The following ABAT variants were observed in gnomAD, a reference collection of about 807,000 sequenced individuals.
ABAT encodes the protein 4-aminobutyrate aminotransferase, mitochondrial.
ABAT carries 45 observed loss-of-function variants against 64.6 expected under a neutral mutation model. That is an observed-to-expected ratio of 0.70 (90% CI 0.55 to 0.89). ABAT has a LOEUF of 0.89. ABAT is among the 40% of genes least tolerant of loss of function. The probability of loss-of-function intolerance (pLI) is 0.00; values close to 1 mark genes in which losing one functional copy is unlikely to be tolerated. For missense variants in ABAT, 633 were observed against 658.4 expected (o/e 0.96, Z 0.42); for synonymous variants, 297 against 250.5 (o/e 1.19, Z -1.75).
intron 1 of ABAT, among the ~76,000 whole-genome samples, chr16:8,728,647 G>A (rs981890394): frequency 2.6e-5 from 4 of 152,096 alleles, no homozygotes; most frequent in East Asian, 1.9e-4. Flanking sequence ...AGGCAGAGGC[G>A]GGTGGATCAC....
At chr16:8,696,703 A>T (rs941914227) in intron 1 of ABAT, among the ~76,000 whole-genome samples, 2 of 152,102 alleles carry the variant, frequency 1.3e-5, no homozygotes, top group African/African-American at 4.8e-5. Context: ...TGGCCTATAG[A>T]TGCTGATAGG....
At chr16:8,723,865 G>A (rs28650912) in intron 1 of ABAT, among the ~76,000 whole-genome samples, 142 of 97,612 alleles carry the variant, frequency 1.5e-3, no homozygotes, top group African/African-American at 5.7e-3. Context: ...TTTTGAGACG[G>A]AGTCTTGCTC....
rs1555485288 is a variant in ABAT, at chr16:8,706,418, A to AAG, written c.-41-29280_-41-29279insGA. ...AGACCCTGTTTCAAAAAAAAAAAAA[A>AAG]AAAAAGAAAAGACCAGGCATGATGG... On this transcript the variant is annotated intron_variant, in intron 1 of 15. Coordinates refer to ENST00000268251, the MANE Select transcript of ABAT (RefSeq NM_020686.6). 8.8e-5 allele frequency among the ~76,000 whole-genome samples: 13 copies of AAG among 147,784 alleles called. No individual in the cohort carries two copies. The East Asian group carries it at 1.0e-3, about 12-fold the overall frequency.
intron 2 of ABAT, among the ~76,000 whole-genome samples, chr16:8,737,991 G>GGAAGAAAGAAAGAAAGAAAGAAA (rs1567295685): frequency 0.012 from 173 of 14,942 alleles, 40 homozygotes; most frequent in Non-Finnish European, 0.018. Flanking sequence ...GAAGGAAGGA[G>GGAAGAAAGAAAGAAAGAAAGAAA]GAAAGAAAGA....
At chr16:8,690,815 G>C (rs1444429345) in intron 1 of ABAT, among the ~76,000 whole-genome samples, 1 of 152,200 alleles carries the variant, frequency 6.6e-6, no homozygotes, top group Non-Finnish European at 1.5e-5. Context: ...CTCATTAAAT[G>C]GGTCTGCCCC....
intron 11 of ABAT, among the ~76,000 whole-genome samples, chr16:8,771,022 G>A (rs1045868888): frequency 5.9e-5 from 9 of 152,106 alleles, no homozygotes; most frequent in Admixed American, 1.3e-4. Context: ...AAAACCGGGC[G>A]CGGTGGCTCA....
At position 8,764,052 on chromosome 16, in the gene ABAT, C is replaced by T. The variant is rs2059871556; in HGVS notation, c.367-17C>T. On this transcript the variant is annotated splice_polypyrimidine_tract_variant and intron_variant, in intron 6 of 15. Coordinates refer to ENST00000268251, the MANE Select transcript of ABAT (RefSeq NM_020686.6). The surrounding 1 kb of genome is among the most constrained non-coding windows in gnomAD (Gnocchi z 4.2). ...CAGGCCCCCAGAAGTCACCATTTGT[C>T]TCTTGCCCTTTTGCAGAGCATGTTT... 1 of 1,613,036 alleles carries T rather than the reference C, an allele frequency of 6.2e-7. No homozygotes were observed. The highest frequency in any genetic ancestry group is 8.5e-7 in the Non-Finnish European group (1 of 1,179,202).
intron 5 of ABAT, among the ~76,000 whole-genome samples, chr16:8,753,414 G>C (rs2059550519): frequency 6.6e-6 from 1 of 152,178 alleles, no homozygotes; most frequent in South Asian, 2.1e-4. Flanking sequence ...TTATTTCTAT[G>C]GTAGCTGCCT....
At chr16:8,719,897 C>A (rs142602933) in intron 1 of ABAT, among the ~76,000 whole-genome samples, 1 of 152,206 alleles carries the variant, frequency 6.6e-6, no homozygotes, top group African/African-American at 2.4e-5. Context: ...CTGCAACATT[C>A]GGTTCTCAGG....
At chr16:8,771,315 C>G (rs1166235416) in intron 11 of ABAT, among the ~76,000 whole-genome samples, 1 of 149,792 alleles carries the variant, frequency 6.7e-6, no homozygotes, top group Non-Finnish European at 1.5e-5. Context: ...AAAAAGAAAA[C>G]CAAGAAAAGT....
chr16:8,711,667 G>A (rs1251282058), intron 1 of ABAT, among the ~76,000 whole-genome samples: 1 of 152,188 alleles, frequency 6.6e-6, no homozygotes, highest in Non-Finnish European at 1.5e-5. Flanking sequence ...CTCTCCCAGA[G>A]ATGGGTGGGT....
At chr16:8,716,714 C>T (rs2058225120) in intron 1 of ABAT, among the ~76,000 whole-genome samples, 1 of 152,230 alleles carries the variant, frequency 6.6e-6, no homozygotes. Flanking sequence ...TTGAGAGCCT[C>T]TCCTAGACTA....
At chr16:8,766,307 G>C (rs1405487223) in intron 9 of ABAT, 37 bp downstream of exon 9, 1 of 1,601,020 alleles carries the variant, frequency 6.2e-7, no homozygotes. Flanking sequence ...TACATCTGGG[G>C]AAGCTGCACA....
In ABAT at chr16:8,768,590, G is replaced by A. The variant is rs1240300682; in HGVS notation, c.668-235G>A. 1.8e-4 allele frequency among the ~76,000 whole-genome samples: 28 copies of A among 152,232 alleles called. No individual in the cohort carries two copies. The highest frequency in any genetic ancestry group is 3.9e-4 in the East Asian group (2 of 5,184). On this transcript the variant is annotated intron_variant, in intron 10 of 15. Transcript: ENST00000268251. ...GTTCGAGAGTCCCCCTTCAGCTTCC[G>A]GATGAGAACTGGGGTTCAGTATCAA...
chr16:8,741,093 A>C (rs924602064), intron 2 of ABAT, among the ~76,000 whole-genome samples: 5 of 152,268 alleles, frequency 3.3e-5, no homozygotes, highest in Non-Finnish European at 7.3e-5. Context: ...TGGCATGGCC[A>C]TTGAGGGCTG....
chr16:8,757,920 G>C (rs749180907), intron 6 of ABAT, 114 bp downstream of exon 6: 2 of 1,204,002 alleles, frequency 1.7e-6, no homozygotes, highest in Non-Finnish European at 1.2e-6. Flanking sequence ...CCATAAATAT[G>C]TATTGAGCCC....
At chr16:8,718,982 G>A (rs75699795) in intron 1 of ABAT, among the ~76,000 whole-genome samples, 13 of 152,312 alleles carry the variant, frequency 8.5e-5, no homozygotes, top group African/African-American at 2.9e-4. Flanking sequence ...CTTGTTATAC[G>A]CTGTGATTTT....
chr16:8,727,401 G>A lies in ABAT; in HGVS notation c.-41-8298G>A, dbSNP rs138125098. On this transcript the variant is annotated intron_variant, in intron 1 of 15. Transcript: ENST00000268251. ...CTACTCCGTGTCATCATACACCTCC[G>A]AGCACTTGCCTTATCCCTGCTTTCT... Among the ~76,000 whole-genome samples, 129 of 152,160 alleles carry A rather than the reference G, an allele frequency of 8.5e-4. 2 individuals carry two copies. Among genetic ancestry groups the A allele is most frequent in the Admixed American group, 6.7e-3 (103 of 15,278 alleles).
At chr16:8,756,268 C>A (rs2059646218) in intron 5 of ABAT, among the ~76,000 whole-genome samples, 1 of 152,062 alleles carries the variant, frequency 6.6e-6, no homozygotes, top group South Asian at 2.1e-4. Flanking sequence ...TTAGGGGAGG[C>A]CAACATGCGA....
Sources: allele counts gnomAD v4.1 joint callset (sites outside exome capture counted in the v4.1 genomes callset), GRCh38; gene constraint gnomAD v4.1.1; non-coding constraint Gnocchi (gnomAD v3.1); transcripts MANE v1.5; gene names NCBI Gene and HGNC (gene_info 2026-07-23, HGNC 2026-07-21).